The following JMJD1C variants were observed in gnomAD, a reference collection of about 807,000 sequenced individuals.
JMJD1C encodes the protein jumonji domain-containing protein 1C.
Under a neutral mutation model 245.3 loss-of-function variants are expected in JMJD1C, and 31 were observed. The ratio of observed to expected loss-of-function variants is 0.13; its 90% CI spans 0.09 to 0.17. The LOEUF is 0.17. Among genes scored for constraint, JMJD1C ranks in the 10% least tolerant of loss-of-function variants. JMJD1C has a pLI of 1.00. For synonymous variants in JMJD1C, 1,057 were observed against 1,017.4 expected (o/e 1.04, Z -0.74); for missense variants, 2,691 against 3,000.2 (o/e 0.90, Z 2.41).
chr10:63,274,711 T>A (rs919977533), intron 2 of JMJD1C, among the ~76,000 whole-genome samples: 1 of 152,232 alleles, frequency 6.6e-6, no homozygotes, highest in Non-Finnish European at 1.5e-5. Flanking sequence ...AAGACTTTTT[T>A]AACTCTCCTA....
intron 2 of JMJD1C, among the ~76,000 whole-genome samples, chr10:63,310,142 C>T (rs2134042401): frequency 6.6e-6 from 1 of 152,246 alleles, no homozygotes; most frequent in East Asian, 1.9e-4. Context: ...CCCTATCTAA[C>T]AGCATAATAC....
chr10:63,203,867 G>T, intron 10 of JMJD1C: 1 of 982,060 alleles, frequency 1.0e-6, no homozygotes, highest in Non-Finnish European at 1.2e-6. Context: ...CATTCTTTTT[G>T]ATTGACCATG....
At chr10:63,490,349 ATTCT>A (rs752257172) in intron 1 of JMJD1C, among the ~76,000 whole-genome samples, 115 of 151,900 alleles carry the variant, frequency 7.6e-4, no homozygotes, top group Admixed American at 1.6e-3. Flanking sequence ...CTCCTCAGTT[ATTCT>A]TTCTTTCTTG....
Position 63,465,816 on chromosome 10 carries a change from CG to C in JMJD1C, c.-155del. The C allele has an allele frequency of 1.2e-6, 1 of 855,442 alleles. No homozygotes were observed. Among genetic ancestry groups the C allele is most frequent in the Non-Finnish European group, 1.9e-6 (1 of 525,110 alleles). 53.0% of individuals were successfully genotyped at this position (855,442 alleles called of 1,614,324 possible). On this transcript the variant is annotated 5_prime_UTR_variant, in exon 1 of 26. Coordinates refer to ENST00000399262, the MANE Select transcript of JMJD1C (RefSeq NM_032776.3). ...TCGGGACGAACCGGCCGCTCTGCCC[CG>C]GACACAGCGACCTCGGGCCCTCCCC...
intron 22 of JMJD1C, among the ~76,000 whole-genome samples, chr10:63,181,696 T>C (rs1589071636): frequency 6.6e-6 from 1 of 152,144 alleles, no homozygotes; most frequent in African/African-American, 2.4e-5. Flanking sequence ...CTGGGGGATA[T>C]GCATAAACAA....
chr10:63,355,361 T>C (rs1944742625), intron 2 of JMJD1C, among the ~76,000 whole-genome samples: 1 of 152,246 alleles, frequency 6.6e-6, no homozygotes, highest in Non-Finnish European at 1.5e-5. Context: ...TCACCAGTTT[T>C]ACATATACTC....
intron 2 of JMJD1C, among the ~76,000 whole-genome samples, chr10:63,368,062 A>C (rs1946002163): frequency 6.6e-6 from 1 of 152,216 alleles, no homozygotes; most frequent in Admixed American, 6.5e-5. Flanking sequence ...TTAATTTCAA[A>C]TAGTACAGAA....
At chr10:63,297,107 T>C (rs1410835499) in intron 2 of JMJD1C, among the ~76,000 whole-genome samples, 1 of 152,212 alleles carries the variant, frequency 6.6e-6, no homozygotes, top group East Asian at 1.9e-4. Context: ...AGTTTAGTTG[T>C]GTCGACAGCG....
At chr10:63,315,107 C>T (rs1939795868) in intron 2 of JMJD1C, among the ~76,000 whole-genome samples, 1 of 152,130 alleles carries the variant, frequency 6.6e-6, no homozygotes, top group Non-Finnish European at 1.5e-5. Flanking sequence ...GTGCGTGCCA[C>T]CACATGTGGC....
At chr10:63,239,799 G>A (rs1564663510) in intron 3 of JMJD1C, among the ~76,000 whole-genome samples, 1 of 152,106 alleles carries the variant, frequency 6.6e-6, no homozygotes, top group Non-Finnish European at 1.5e-5. Context: ...CTCATTAGCT[G>A]GGATACAGAA....
chr10:63,182,528 A>G (rs143444654), intron 22 of JMJD1C, among the ~76,000 whole-genome samples: 102 of 152,346 alleles, frequency 6.7e-4, no homozygotes, highest in African/African-American at 2.0e-3. Flanking sequence ...TAGGATGGAA[A>G]GGTTTAAAGG....
At chr10:63,349,210 A>G (rs1944126798) in intron 2 of JMJD1C, among the ~76,000 whole-genome samples, 1 of 151,534 alleles carries the variant, frequency 6.6e-6, no homozygotes, top group African/African-American at 2.4e-5. Context: ...CCAGAAGCAG[A>G]TGTTGGCATC....
chr10:63,203,365 A>G, intron 10 of JMJD1C: 2 of 984,816 alleles, frequency 2.0e-6, no homozygotes, highest in Non-Finnish European at 2.4e-6. Context: ...ATTTATAGTA[A>G]GAACCTTAGT....
At chr10:63,407,394 T>C (rs1050188715) in intron 1 of JMJD1C, among the ~76,000 whole-genome samples, 1 of 152,192 alleles carries the variant, frequency 6.6e-6, no homozygotes, top group African/African-American at 2.4e-5. Context: ...TCTTTCCTCA[T>C]AGGGCATAAC....
chr10:63,283,033 T>C (rs953524070), intron 2 of JMJD1C, among the ~76,000 whole-genome samples: 1 of 152,124 alleles, frequency 6.6e-6, no homozygotes, highest in Non-Finnish European at 1.5e-5. Context: ...GTTTTCTTAA[T>C]TCAGGTCAGT....
At chr10:63,239,403 A>G (rs1271258917) in intron 3 of JMJD1C, among the ~76,000 whole-genome samples, 1 of 152,090 alleles carries the variant, frequency 6.6e-6, no homozygotes, top group Non-Finnish European at 1.5e-5. Flanking sequence ...ATTCTGGGAG[A>G]CTAATATGTA....
chr10:63,398,857 C>A (rs1305426874), intron 1 of JMJD1C, among the ~76,000 whole-genome samples: 2 of 152,134 alleles, frequency 1.3e-5, no homozygotes, highest in Non-Finnish European at 2.9e-5. Flanking sequence ...GTTGGCCAGG[C>A]TGGTCTCGAA....
chr10:63,176,505 TTAAG>T (rs1379733902), intron 23 of JMJD1C, 32 bp from the exon 24 acceptor site: 2 of 1,507,022 alleles, frequency 1.3e-6, no homozygotes, highest in South Asian at 1.2e-5. Flanking sequence ...ACACTCCAAT[TTAAG>T]TAAGGAAATG....
At chr10:63,294,532 C>T (rs566621021) in intron 2 of JMJD1C, among the ~76,000 whole-genome samples, 2 of 152,292 alleles carry the variant, frequency 1.3e-5, no homozygotes, top group East Asian at 3.9e-4. Context: ...GATCCGCCCG[C>T]CTTGGCCTCC....
Sources: allele counts gnomAD v4.1 joint callset (sites outside exome capture counted in the v4.1 genomes callset), GRCh38; gene constraint gnomAD v4.1.1; transcripts MANE v1.5; gene names NCBI Gene and HGNC (gene_info 2026-07-23, HGNC 2026-07-21).